The following WRN variants were observed in gnomAD, a reference collection of about 807,000 sequenced individuals.
WRN encodes the protein WRN RecQ like helicase, also known as bifunctional 3'-5' exonuclease/ATP-dependent helicase WRN.
A neutral mutation model predicts 180.7 loss-of-function variants in WRN; 149 were observed. The observed-to-expected ratio is 0.82, with a 90% CI of 0.72 to 0.94. The LOEUF (loss-of-function observed/expected upper bound fraction) is 0.94. Ranked by LOEUF, WRN falls within the 40% of genes least tolerant of loss-of-function variation. The pLI is 0.00. For synonymous variants in WRN, 548 were observed against 568.9 expected (o/e 0.96, Z 0.52); for missense variants, 1,661 against 1,700.1 (o/e 0.98, Z 0.40).
At chr8:31,135,859 C>T (rs2553278) in intron 24 of WRN, among the ~76,000 whole-genome samples, 70,832 of 151,546 alleles carry the variant, frequency 0.47, 16,924 homozygotes, top group East Asian at 0.62. Flanking sequence ...TGTCAGATAC[C>T]GTTGTAAAGA....
intron 1 of WRN, among the ~76,000 whole-genome samples, chr8:31,042,924 A>T (rs1157153654): frequency 1.3e-5 from 2 of 152,250 alleles, no homozygotes; most frequent in Non-Finnish European, 2.9e-5. Context: ...AATTCTATTC[A>T]GTCTTCAAAA....
rs137977751 is a variant in WRN at position 31,090,873 on chromosome 8, A to C, written c.1760A>C (p.Tyr587Ser). 1 of 1,612,876 alleles carries C rather than the reference A, an allele frequency of 6.2e-7. No homozygotes were observed. Residue 587 changes from tyrosine to serine, a missense_variant, in exon 15 of 35, where the codon TAT becomes TCT. Physicochemically the swap from Tyr to Ser is moderately radical, Grantham distance 144 (BLOSUM62 -2). Around this residue, in one of 3 missense-constraint regions of WRN, gnomAD observed 1,141 missense variants for 1,149.4 expected, o/e 0.99. Coordinates refer to ENST00000298139, the MANE Select transcript of WRN (RefSeq NM_000553.6). ...TTGTGCTTCCAGTATCCACCTGTTT[A>C]TGTAGGCAAGATTGGCCTTGTTATC... Reference protein sequence around the residue: ...KSLCFQYPPVYVGKIGLVISP... With the variant: ...KSLCFQYPPVSVGKIGLVISP...
At chr8:31,150,553 G>A in intron 31 of WRN, 98 bp downstream of exon 31, 1 of 1,000,540 alleles carries the variant, frequency 1.0e-6, no homozygotes, top group Non-Finnish European at 1.6e-6. Context: ...CACTTTATTT[G>A]CATTTCCATA....
intron 20 of WRN, chr8:31,119,973 C>T: frequency 2.5e-6 from 1 of 393,688 alleles, no homozygotes; most frequent in African/African-American, 2.1e-5. Flanking sequence ...ATTTTGAACC[C>T]CTTTTGTGTC....
chr8:31,049,939 T>C (rs1812022545), intron 1 of WRN, among the ~76,000 whole-genome samples: 1 of 151,732 alleles, frequency 6.6e-6, no homozygotes, highest in African/African-American at 2.4e-5. Context: ...TATATAATAA[T>C]TATATAATAT....
chr8:31,128,141 G>A (rs1183982169), intron 23 of WRN, among the ~76,000 whole-genome samples: 1 of 151,592 alleles, frequency 6.6e-6, no homozygotes, highest in African/African-American at 2.4e-5. Flanking sequence ...GCCGACAGAA[G>A]AGGTGGAGAA....
At chr8:31,047,568 A>T (rs1170471795) in intron 1 of WRN, among the ~76,000 whole-genome samples, 1 of 152,158 alleles carries the variant, frequency 6.6e-6, no homozygotes, top group South Asian at 2.1e-4. Flanking sequence ...TCTTTACCTG[A>T]ATGAAATTTA....
intron 23 of WRN, among the ~76,000 whole-genome samples, chr8:31,130,900 A>G (rs1172851233): frequency 6.6e-6 from 1 of 152,178 alleles, no homozygotes; most frequent in East Asian, 1.9e-4. Context: ...GAGTATAAAG[A>G]TAAGAGCTGA....
At chr8:31,086,776 C>G (rs1813547950) in intron 11 of WRN, among the ~76,000 whole-genome samples, 1 of 152,088 alleles carries the variant, frequency 6.6e-6, no homozygotes, top group Non-Finnish European at 1.5e-5. Context: ...GTGTTTAATA[C>G]ATATTAGCTA....
At chr8:31,092,746 C>T (rs1482133875) in intron 16 of WRN, among the ~76,000 whole-genome samples, 1 of 151,986 alleles carries the variant, frequency 6.6e-6, no homozygotes, top group East Asian at 1.9e-4. Flanking sequence ...TTCTTCATGT[C>T]CCTCCCCAGT....
At chr8:31,124,731 C>A in intron 22 of WRN, 108 bp downstream of exon 22, 2 of 1,272,822 alleles carry the variant, frequency 1.6e-6, no homozygotes, top group Non-Finnish European at 2.2e-6. Flanking sequence ...TATTTTGTTG[C>A]TGTTACATGT....
In WRN at chr8:31,117,211, G is replaced by C. The variant is rs974440851; in HGVS notation, c.2448+683G>C. Among the ~76,000 whole-genome samples, 12 of 152,332 alleles carry C rather than the reference G, an allele frequency of 7.9e-5. No individual in the cohort carries two copies. In the South Asian group the frequency reaches 8.3e-4, roughly 11 times the overall value. On this transcript the variant is annotated intron_variant, in intron 20 of 34. Transcript: ENST00000298139. ...GGATTAAAGTAGAATAACTCTGGCT[G>C]AAGTTAATGTGAGGGAAAAGGAGGT...
chr8:31,104,020 C>T (rs1016336796), intron 18 of WRN, among the ~76,000 whole-genome samples: 1 of 152,246 alleles, frequency 6.6e-6, no homozygotes, highest in African/African-American at 2.4e-5. Context: ...AGGCGTGAGC[C>T]ACTGCGCCCG....
intron 20 of WRN, among the ~76,000 whole-genome samples, 153 bp downstream of exon 20, chr8:31,116,681 G>C (rs763166932): frequency 6.6e-6 from 1 of 152,214 alleles, no homozygotes; most frequent in East Asian, 1.9e-4. Flanking sequence ...TTGCAGATTA[G>C]TATAAATAGC....
chr8:31,066,915 G>C, intron 5 of WRN, 118 bp from the exon 6 acceptor site: 2 of 1,232,344 alleles, frequency 1.6e-6, no homozygotes, highest in East Asian at 2.4e-5. Flanking sequence ...GGCTATCTGT[G>C]GGTTGTATTT....
intron 3 of WRN, among the ~76,000 whole-genome samples, chr8:31,060,122 C>A (rs1253409472): frequency 6.6e-6 from 1 of 151,854 alleles, no homozygotes; most frequent in African/African-American, 2.4e-5. Flanking sequence ...TCTGTTAGTA[C>A]TTTTAAAGGT....
chr8:31,160,999 A>AG (rs1803591238), intron 33 of WRN, among the ~76,000 whole-genome samples: 2 of 151,834 alleles, frequency 1.3e-5, no homozygotes, highest in South Asian at 4.2e-4. Context: ...AAAAAAAAAA[A>AG]ATAGAATTTG....
intron 3 of WRN, among the ~76,000 whole-genome samples, chr8:31,060,189 A>G (rs1011545730): frequency 3.3e-5 from 5 of 152,230 alleles, no homozygotes; most frequent in Non-Finnish European, 7.3e-5. Context: ...AGCATAAAAC[A>G]AGTAATAAGG....
intron 7 of WRN, among the ~76,000 whole-genome samples, chr8:31,071,098 A>G (rs561689168): frequency 5.3e-5 from 8 of 152,026 alleles, no homozygotes; most frequent in Non-Finnish European, 1.2e-4. Flanking sequence ...AAGAATGGGT[A>G]CAGGAAATTA....
Sources: allele counts gnomAD v4.1 joint callset (sites outside exome capture counted in the v4.1 genomes callset), GRCh38; gene constraint gnomAD v4.1.1; regional missense constraint gnomAD v4.1.1; transcripts MANE v1.5; gene names NCBI Gene and HGNC (gene_info 2026-07-23, HGNC 2026-07-21).